NCALD: variants seen among roughly 807,000 people sequenced by gnomAD.
NCALD encodes neurocalcin-delta.
A neutral mutation model predicts 18.6 loss-of-function variants in NCALD; 10 were observed. The observed-to-expected ratio is 0.54, with a 90% CI of 0.33 to 0.91. The LOEUF (loss-of-function observed/expected upper bound fraction) is 0.91, where lower values mean the gene tolerates loss of function less well. NCALD is among the 40% of genes least tolerant of loss of function. The pLI, the probability that NCALD is intolerant of heterozygous loss-of-function variation, is 0.03. For synonymous variants in NCALD, 88 were observed against 87.4 expected, an observed-to-expected ratio of 1.01 and a Z score of -0.04; for missense variants, 184 against 247.6, an observed-to-expected ratio of 0.74 and a Z score of 1.72.
intron 3 of NCALD, among the ~76,000 whole-genome samples, chr8:101,888,278 GGA>G (rs760637837): frequency 1.8e-4 from 27 of 152,142 alleles, no homozygotes; most frequent in Non-Finnish European, 3.1e-4. Flanking sequence ...TGATATTTGA[GGA>G]TATGTGTCTA....
intron 1 of NCALD, among the ~76,000 whole-genome samples, chr8:102,034,542 G>T (rs2032152): frequency 0.025 from 3,763 of 152,244 alleles, 154 homozygotes; most frequent in African/African-American, 0.082. Flanking sequence ...CTATAGTGAT[G>T]GGGAAAGAAA....
chr8:101,984,313 T>C (rs187607101), intron 2 of NCALD, among the ~76,000 whole-genome samples: 2 of 152,350 alleles, frequency 1.3e-5, no homozygotes, highest in Admixed American at 1.3e-4. Context: ...CATAGACTTC[T>C]TCCAACATAG....
chr8:101,869,370 A>G (rs1486710121), intron 4 of NCALD, among the ~76,000 whole-genome samples: 6 of 152,152 alleles, frequency 3.9e-5, no homozygotes, highest in African/African-American at 1.4e-4. Context: ...TGAGCTAAGG[A>G]ATGTAGGCAG....
chr8:102,041,650 C>T lies in NCALD; in HGVS notation c.-209-21361G>A, dbSNP rs555951325. Among the ~76,000 whole-genome samples the T allele has an allele frequency of 2.0e-5, 3 of 152,354 alleles. No individual in the cohort carries two copies. In the East Asian group the frequency reaches 5.8e-4, roughly 29 times the overall value. On this transcript the variant is annotated intron_variant, in intron 1 of 6. Transcript: ENST00000311028. ...CAGTTTGATACAGGGAATGCAGACA[C>T]TGAACAAAGTCAGGAGGAGCTCAAG...
chr8:102,092,570 G>T (rs983279801), intron 1 of NCALD, among the ~76,000 whole-genome samples: 1 of 152,196 alleles, frequency 6.6e-6, no homozygotes, highest in Non-Finnish European at 1.5e-5. Flanking sequence ...ATCCCCACAT[G>T]TCTGGTCCCT....
chr8:101,834,689 C>G (rs944687074), intron 4 of NCALD, among the ~76,000 whole-genome samples: 2 of 152,202 alleles, frequency 1.3e-5, no homozygotes, highest in Non-Finnish European at 2.9e-5. Context: ...GGGTCTTTGA[C>G]GAGTGAGGCA....
chr8:101,767,724 T>C (rs986926327), intron 1 of NCALD, among the ~76,000 whole-genome samples: 6 of 152,242 alleles, frequency 3.9e-5, no homozygotes, highest in Non-Finnish European at 7.3e-5. Context: ...CATCTGCAAA[T>C]GCTGCAAGTT....
chr8:102,036,096 C>T (rs1392297395), intron 1 of NCALD, among the ~76,000 whole-genome samples: 1 of 150,400 alleles, frequency 6.6e-6, no homozygotes, highest in Non-Finnish European at 1.5e-5. Flanking sequence ...CAAAACCAGT[C>T]TGGTCAACAT....
chr8:102,088,263 A>T (rs1824805668), intron 1 of NCALD, among the ~76,000 whole-genome samples: 1 of 152,146 alleles, frequency 6.6e-6, no homozygotes, highest in Non-Finnish European at 1.5e-5. Flanking sequence ...GGAGTGAGTT[A>T]TTCCTGATTT....
intron 1 of NCALD, among the ~76,000 whole-genome samples, chr8:102,073,905 G>A (rs949817038): frequency 6.6e-6 from 1 of 152,224 alleles, no homozygotes; most frequent in African/African-American, 2.4e-5. Context: ...AAGGTAGCCA[G>A]AGTTGCACTA....
At chr8:101,822,623 G>A (rs1813767559) in intron 4 of NCALD, among the ~76,000 whole-genome samples, 1 of 152,244 alleles carries the variant, frequency 6.6e-6, no homozygotes, top group African/African-American at 2.4e-5. Context: ...GCAGCCAGCA[G>A]TTCTGGGCTC....
intron 4 of NCALD, chr8:101,872,141 G>A: frequency 6.2e-7 from 1 of 1,606,384 alleles, no homozygotes; most frequent in Non-Finnish European, 8.5e-7. Flanking sequence ...TTCCTGGCAA[G>A]TCCACTGAGG....
chr8:102,101,088 C>T (rs936571487), intron 1 of NCALD, among the ~76,000 whole-genome samples: 8 of 152,170 alleles, frequency 5.3e-5, no homozygotes, highest in African/African-American at 1.7e-4. Context: ...CGACCAGCAA[C>T]AAAAACCCTC....
In NCALD at chr8:101,982,607, G is replaced by A. The variant is rs139518554; in HGVS notation, c.-157+37630C>T. Among the ~76,000 whole-genome samples, 138 of 152,214 alleles carry A rather than the reference G, an allele frequency of 9.1e-4. 4 individuals carry two copies. The East Asian group carries it at 0.024, about 27-fold the overall frequency. ...TGTAATCCCAGCACTTTGAGAGGCC[G>A]AGGCTGGTGGATCAGGAGGTCAGGA... is the stretch of plus-strand genomic sequence containing the variant. On this transcript the variant is annotated intron_variant, in intron 2 of 6. Coordinates refer to the NCALD transcript ENST00000311028.
intron 1 of NCALD, among the ~76,000 whole-genome samples, chr8:102,071,864 A>T (rs1170405810): frequency 6.6e-6 from 1 of 152,250 alleles, no homozygotes; most frequent in Non-Finnish European, 1.5e-5. Context: ...GGCAAGATAT[A>T]CAATGAACAT....
chr8:101,756,800 T>C (rs1358906302), intron 1 of NCALD, among the ~76,000 whole-genome samples: 1 of 152,228 alleles, frequency 6.6e-6, no homozygotes, highest in Non-Finnish European at 1.5e-5. Flanking sequence ...ATACATTGTA[T>C]GTCTTGTTTT....
intron 1 of NCALD, among the ~76,000 whole-genome samples, chr8:101,721,636 G>A (rs139499114): frequency 6.2e-4 from 94 of 152,160 alleles, no homozygotes; most frequent in African/African-American, 2.1e-3. Flanking sequence ...TGTATCTCAC[G>A]CTACTCAAAC....
intron 2 of NCALD, among the ~76,000 whole-genome samples, chr8:101,959,829 T>C (rs1249738194): frequency 6.6e-6 from 1 of 152,294 alleles, no homozygotes; most frequent in Non-Finnish European, 1.5e-5. Flanking sequence ...GGTGTGCTCA[T>C]AGCGATGGCT....
rs561370077 is a variant in NCALD, at chr8:101,873,437, T to G, written c.-20+13704A>C. ...AGACAGTTTTAGTGGTGCATAGTTA[T>G]GGCGGATTATGGTTGTGTATTTATT... On this transcript the variant is annotated intron_variant, in intron 4 of 6. Coordinates refer to the NCALD transcript ENST00000311028. 3.3e-5 allele frequency among the ~76,000 whole-genome samples: 5 copies of G among 152,364 alleles called. 1 individual carries two copies. The East Asian group carries it at 9.6e-4, about 29-fold the overall frequency.
Sources: gnomAD v4.1 joint callset for allele counts (sites outside exome capture counted in the v4.1 genomes callset) on GRCh38, gnomAD v4.1.1 for gene constraint, MANE v1.5 for transcripts, NCBI Gene and HGNC (gene_info 2026-07-23, HGNC 2026-07-21) for gene names.